Variants in MRTFB observed in about 807,000 individuals in gnomAD.
MRTFB encodes the protein myocardin related transcription factor B, also known as myocardin-related transcription factor B.
Under a neutral mutation model 104.2 loss-of-function variants are expected in MRTFB, and 29 were observed. The observed-to-expected ratio is 0.28, with a 90% CI of 0.21 to 0.38. MRTFB has a LOEUF of 0.38. Among genes scored for constraint, MRTFB ranks in the 10% least tolerant of loss-of-function variants. MRTFB has a pLI of 1.00. For synonymous variants in MRTFB, 535 were observed against 519.5 expected (o/e 1.03, Z -0.41); for missense variants, 1,270 against 1,341.6 (o/e 0.95, Z 0.83).
intron 3 of MRTFB, chr16:14,201,103 T>C: frequency 7.2e-7 from 1 of 1,381,232 alleles, no homozygotes; most frequent in Non-Finnish European, 9.7e-7. Flanking sequence ...TTAAAAACTT[T>C]ATTTATAAAA....
chr16:14,032,022 G>T, the MRTFB span, among the ~76,000 whole-genome samples: 4 of 152,170 alleles, frequency 2.6e-5, no homozygotes, highest in African/African-American at 9.7e-5. Flanking sequence ...TGGCCAGGCT[G>T]GTCTTGAACT....
At chr16:14,054,839 G>C in the MRTFB span, among the ~76,000 whole-genome samples, 2 of 152,204 alleles carry the variant, frequency 1.3e-5, no homozygotes. Flanking sequence ...TTTTAGAACA[G>C]AGGGTTTCCA....
At chr16:14,020,049 AAGCTTTATG>A in the MRTFB span, among the ~76,000 whole-genome samples, 5 of 152,318 alleles carry the variant, frequency 3.3e-5, no homozygotes, top group East Asian at 9.7e-4. Flanking sequence ...CCTTCAGCTT[AAGCTTTATG>A]AGCTTTAAAG....
chr16:14,017,703 ATATATATATT>A, the MRTFB span, among the ~76,000 whole-genome samples: 2 of 31,502 alleles, frequency 6.3e-5, 1 homozygote, highest in Non-Finnish European at 1.6e-4. Flanking sequence ...ATATATATAT[ATATATATATT>A]TTTTTTTTTT....
chr16:14,160,934 T>G (rs2039007719), intron 3 of MRTFB, among the ~76,000 whole-genome samples: 1 of 152,114 alleles, frequency 6.6e-6, no homozygotes, highest in Admixed American at 6.5e-5. Context: ...TTCATTGGCT[T>G]CATCTTGGAA....
At chr16:14,208,236 G>A (rs2041035784) in intron 3 of MRTFB, among the ~76,000 whole-genome samples, 1 of 152,204 alleles carries the variant, frequency 6.6e-6, no homozygotes, top group South Asian at 2.1e-4. Flanking sequence ...CACCTGAAAT[G>A]ACCAATGTAC....
the MRTFB span, among the ~76,000 whole-genome samples, chr16:14,013,762 T>C: frequency 6.6e-6 from 1 of 152,220 alleles, no homozygotes; most frequent in South Asian, 2.1e-4. Flanking sequence ...CTCTGTAGTG[T>C]CCTTCAGATT....
intron 13 of MRTFB, among the ~76,000 whole-genome samples, chr16:14,249,680 A>C (rs2043172123): frequency 6.6e-6 from 1 of 152,242 alleles, no homozygotes; most frequent in Non-Finnish European, 1.5e-5. Flanking sequence ...TACACAAATA[A>C]CTACCAAAAA....
the MRTFB span, among the ~76,000 whole-genome samples, chr16:14,008,898 T>G: frequency 6.6e-6 from 1 of 151,920 alleles, no homozygotes; most frequent in Non-Finnish European, 1.5e-5. Flanking sequence ...CATACTTCTT[T>G]GGTTAAATGT....
At chr16:14,053,772 T>C in the MRTFB span, among the ~76,000 whole-genome samples, 1 of 151,058 alleles carries the variant, frequency 6.6e-6, no homozygotes, top group South Asian at 2.1e-4. Context: ...GGAGGGCATC[T>C]GTGGTCCTAG....
chr16:14,103,023 A>G (rs924662820), intron 2 of MRTFB, among the ~76,000 whole-genome samples: 3 of 152,100 alleles, frequency 2.0e-5, no homozygotes, highest in African/African-American at 7.2e-5. Context: ...ATCTGCCTCT[A>G]CTTTACAATC....
chr16:14,024,049 T>C, the MRTFB span, among the ~76,000 whole-genome samples: 2 of 148,912 alleles, frequency 1.3e-5, no homozygotes, highest in Middle Eastern at 3.4e-3. Context: ...AGACTCCATC[T>C]CAAAAAAAAA....
At chr16:14,036,793 G>C in the MRTFB span, among the ~76,000 whole-genome samples, 1 of 152,086 alleles carries the variant, frequency 6.6e-6, no homozygotes, top group Admixed American at 6.6e-5. Context: ...AGTTCATGGT[G>C]AGTGTGGAGG....
Position 14,079,361 on chromosome 16 carries a change from T to C in MRTFB, c.-64+7T>C. The C allele has an allele frequency of 2.9e-6, 1 of 349,886 alleles. No individual in the cohort carries two copies. 21.7% of individuals were successfully genotyped at this position (349,886 alleles called of 1,614,324 possible). ...ATTAAATATTCTTACCGAGGTAAGT[T>C]TTTTTATAATTTTTTTTTAACAAAG... On this transcript the variant is annotated splice_region_variant and intron_variant, in intron 2 of 16. Coordinates refer to ENST00000571589, the MANE Select transcript of MRTFB (RefSeq NM_001308142.2).
At chr16:14,078,821 T>C (rs1465668373) in intron 1 of MRTFB, among the ~76,000 whole-genome samples, 1 of 150,244 alleles carries the variant, frequency 6.7e-6, no homozygotes, top group Admixed American at 6.6e-5. Context: ...TATAATAAAA[T>C]AGTATTTATT....
chr16:14,158,827 A>G (rs1567398836), intron 3 of MRTFB, among the ~76,000 whole-genome samples: 1 of 152,156 alleles, frequency 6.6e-6, no homozygotes, highest in African/African-American at 2.4e-5. Flanking sequence ...AATAGGTGCT[A>G]TATAAAGTTT....
intron 15 of MRTFB, among the ~76,000 whole-genome samples, chr16:14,257,572 G>T (rs985256514): frequency 6.6e-6 from 1 of 151,374 alleles, no homozygotes; most frequent in South Asian, 2.1e-4. Context: ...AGATCCGGGG[G>T]TTGCCTACGG....
intron 1 of MRTFB, among the ~76,000 whole-genome samples, chr16:14,072,513 C>T (rs1362567620): frequency 6.6e-6 from 1 of 152,104 alleles, no homozygotes; most frequent in East Asian, 1.9e-4. Context: ...AGCGAGATCC[C>T]ACCTGTACAA....
chr16:14,044,693 GA>G, the MRTFB span, among the ~76,000 whole-genome samples: 1 of 152,152 alleles, frequency 6.6e-6, no homozygotes, highest in Non-Finnish European at 1.5e-5. Flanking sequence ...AGAGGAACTA[GA>G]ACCTGCCAAT....
Sources: allele counts gnomAD v4.1 joint callset (sites outside exome capture counted in the v4.1 genomes callset), GRCh38; gene constraint gnomAD v4.1.1; transcripts MANE v1.5; gene names NCBI Gene and HGNC (gene_info 2026-07-23, HGNC 2026-07-21).